SH3RF3: variants seen among roughly 807,000 people sequenced by gnomAD.
The protein encoded by SH3RF3 is E3 ubiquitin-protein ligase SH3RF3.
A neutral mutation model predicts 66.3 loss-of-function variants in SH3RF3; 29 were observed. The ratio of observed to expected loss-of-function variants is 0.44; its 90% confidence interval spans 0.33 to 0.60. The LOEUF is 0.60. SH3RF3 is among the 20% of genes least tolerant of loss of function. SH3RF3 has a pLI of 0.04. For missense variants in SH3RF3, 1,194 were observed against 1,190.9 expected (o/e 1.00, Z -0.04); for synonymous variants, 583 against 532.0 (o/e 1.10, Z -1.32).
chr2:109,290,700 C>G (rs1284461728), intron 1 of SH3RF3, among the ~76,000 whole-genome samples: 6 of 152,226 alleles, frequency 3.9e-5, no homozygotes, highest in Non-Finnish European at 8.8e-5. Flanking sequence ...CCAGACCTGA[C>G]TGCTGCACCT....
At chr2:109,277,382 G>T (rs553903743) in intron 1 of SH3RF3, among the ~76,000 whole-genome samples, 1 of 152,062 alleles carries the variant, frequency 6.6e-6, no homozygotes, top group Non-Finnish European at 1.5e-5. Context: ...ATGTGACCCC[G>T]GCCTCGGTGA....
intron 1 of SH3RF3, among the ~76,000 whole-genome samples, chr2:109,233,592 C>T (rs748962058): frequency 6.6e-6 from 1 of 152,188 alleles, no homozygotes; most frequent in Non-Finnish European, 1.5e-5. Flanking sequence ...CCATGGTGTC[C>T]AGGCTTGAGG....
chr2:109,250,772 A>G (rs944176822), intron 1 of SH3RF3, among the ~76,000 whole-genome samples: 4 of 151,014 alleles, frequency 2.6e-5, no homozygotes, highest in African/African-American at 9.7e-5. Context: ...GCTATTTTAG[A>G]AAAAAAAAGT....
intron 4 of SH3RF3, among the ~76,000 whole-genome samples, chr2:109,417,691 C>T (rs917653037): frequency 4.6e-5 from 7 of 152,194 alleles, no homozygotes; most frequent in African/African-American, 7.2e-5. Flanking sequence ...GGGAGTCTCT[C>T]GGTTGCACCC....
rs114605560 is a variant in SH3RF3, at chr2:109,209,396, G to A, written c.573+79283G>A. On this transcript the variant is annotated intron_variant, in intron 1 of 9. Coordinates refer to ENST00000309415, the MANE Select transcript of SH3RF3 (RefSeq NM_001099289.3). ...GAAGATGCCCTGAGTGATAGTGTTT[G>A]TCCATTTCCAGGGTGTAAACACTCC... 2.6e-3 allele frequency among the ~76,000 whole-genome samples: 400 copies of A among 152,274 alleles called. 2 individuals are homozygous for A. Among genetic ancestry groups the A allele is most frequent in the African/African-American group, 9.1e-3 (377 of 41,538 alleles).
chr2:109,249,467 C>CTCTCTTTCTTTCTT (rs1558981118), intron 1 of SH3RF3, among the ~76,000 whole-genome samples: 1 of 99,290 alleles, frequency 1.0e-5, no homozygotes, highest in Non-Finnish European at 2.0e-5. Context: ...TTCTCTCTTT[C>CTCTCTTTCTTTCTT]TCTTTCTTTC....
chr2:109,312,930 T>C (rs1485585731), intron 1 of SH3RF3, among the ~76,000 whole-genome samples: 1 of 152,156 alleles, frequency 6.6e-6, no homozygotes, highest in Non-Finnish European at 1.5e-5. Context: ...GTGTACGTTA[T>C]TGAAGAGCCG....
chr2:109,161,084 C>T (rs369341316), intron 1 of SH3RF3, among the ~76,000 whole-genome samples: 2 of 152,094 alleles, frequency 1.3e-5, no homozygotes, highest in East Asian at 1.9e-4. Flanking sequence ...ACAAGGCAAT[C>T]GACTGTTCAT....
At chr2:109,317,769 G>T (rs1366784220) in intron 1 of SH3RF3, among the ~76,000 whole-genome samples, 1 of 152,194 alleles carries the variant, frequency 6.6e-6, no homozygotes, top group Non-Finnish European at 1.5e-5. Context: ...GCTCGTGAGT[G>T]CCTTTGTAGT....
intron 2 of SH3RF3, among the ~76,000 whole-genome samples, chr2:109,364,477 C>A (rs908896841): frequency 5.9e-5 from 9 of 152,216 alleles, no homozygotes; most frequent in African/African-American, 1.7e-4. Flanking sequence ...CAATCTGGTT[C>A]TGATGCTTGC....
chr2:109,139,428 C>G (rs555497164), intron 1 of SH3RF3, among the ~76,000 whole-genome samples: 1 of 152,286 alleles, frequency 6.6e-6, no homozygotes, highest in African/African-American at 2.4e-5. Context: ...TGCTCTCACA[C>G]AGTCACACTC....
intron 1 of SH3RF3, among the ~76,000 whole-genome samples, chr2:109,323,528 T>TTG (rs1408519595): frequency 1.3e-5 from 2 of 152,206 alleles, no homozygotes; most frequent in Non-Finnish European, 2.9e-5. Flanking sequence ...AGGAAGAATA[T>TTG]TGTAGGTAGT....
At chr2:109,376,377 G>A (rs1462514365) in intron 3 of SH3RF3, among the ~76,000 whole-genome samples, 2 of 152,254 alleles carry the variant, frequency 1.3e-5, no homozygotes, top group African/African-American at 2.4e-5. Flanking sequence ...GCTCGGGTTG[G>A]AGAGACTTGG....
chr2:109,178,955 T>A (rs1677997557), intron 1 of SH3RF3, among the ~76,000 whole-genome samples: 1 of 151,956 alleles, frequency 6.6e-6, no homozygotes, highest in Admixed American at 6.6e-5. Flanking sequence ...TTTTCGTGTT[T>A]GTGTGAAGGT....
chr2:109,359,018 C>A (rs1464898495), intron 2 of SH3RF3, among the ~76,000 whole-genome samples: 1 of 152,188 alleles, frequency 6.6e-6, no homozygotes, highest in Non-Finnish European at 1.5e-5. Context: ...TTTCCTACCA[C>A]TGTTTATTTT....
chr2:109,420,580 G>A (rs539727001), intron 5 of SH3RF3, among the ~76,000 whole-genome samples: 1 of 152,168 alleles, frequency 6.6e-6, no homozygotes, highest in South Asian at 2.1e-4. Context: ...CAAGTAGCTG[G>A]GACTACAGGT....
chr2:109,407,427 C>A (rs1676477264), intron 4 of SH3RF3, among the ~76,000 whole-genome samples: 1 of 152,214 alleles, frequency 6.6e-6, no homozygotes, highest in African/African-American at 2.4e-5. Flanking sequence ...CTATTTGTCT[C>A]TATGCAGCTT....
chr2:109,410,312 T>G (rs1676555616), intron 4 of SH3RF3, among the ~76,000 whole-genome samples: 1 of 152,218 alleles, frequency 6.6e-6, no homozygotes, highest in Non-Finnish European at 1.5e-5. Flanking sequence ...CATTCACCTG[T>G]GAGCTCTGTG....
At chr2:109,305,762 C>G (rs1203715700) in intron 1 of SH3RF3, among the ~76,000 whole-genome samples, 7 of 152,228 alleles carry the variant, frequency 4.6e-5, no homozygotes, top group East Asian at 1.9e-4. Flanking sequence ...CTCTGCGGTT[C>G]CCTGAGACAG....
Sources: gnomAD v4.1 joint callset for allele counts (sites outside exome capture counted in the v4.1 genomes callset) on GRCh38, gnomAD v4.1.1 for gene constraint, MANE v1.5 for transcripts, NCBI Gene and HGNC (gene_info 2026-07-23, HGNC 2026-07-21) for gene names.